CNTNAP2: variants seen among roughly 807,000 people sequenced by gnomAD.
CNTNAP2 encodes the protein contactin-associated protein-like 2.
Under a neutral mutation model 155.2 loss-of-function variants are expected in CNTNAP2, and 98 were observed. The observed-to-expected ratio is 0.63, with a 90% CI of 0.54 to 0.75. The LOEUF is 0.75. Among genes scored for constraint, CNTNAP2 ranks in the 30% least tolerant of loss-of-function variants. The pLI is 0.00. For missense variants in CNTNAP2, 1,727 were observed against 1,688.1 expected, an observed-to-expected ratio of 1.02 and a Z score of -0.40; for synonymous variants, 651 against 631.2, an observed-to-expected ratio of 1.03 and a Z score of -0.47.
At chr7:146,791,421 A>G (rs1408738897) in intron 2 of CNTNAP2, among the ~76,000 whole-genome samples, 2 of 152,176 alleles carry the variant, frequency 1.3e-5, no homozygotes, top group African/African-American at 4.8e-5. Flanking sequence ...GTGTCTTTAT[A>G]GTAGAATGAT....
At chr7:147,437,874 T>C (rs1194670011) in intron 10 of CNTNAP2, among the ~76,000 whole-genome samples, 1 of 152,090 alleles carries the variant, frequency 6.6e-6, no homozygotes, top group African/African-American at 2.4e-5. Flanking sequence ...TCTTTCGTGT[T>C]TTATACTTTT....
intron 3 of CNTNAP2, among the ~76,000 whole-genome samples, chr7:146,944,125 AT>A (rs1181210104): frequency 6.6e-6 from 1 of 151,900 alleles, no homozygotes. Flanking sequence ...GTAGTAAATT[AT>A]GAAATAGACG....
At chr7:147,659,890 A>G (rs942371238) in intron 13 of CNTNAP2, among the ~76,000 whole-genome samples, 3 of 152,214 alleles carry the variant, frequency 2.0e-5, no homozygotes, top group East Asian at 1.9e-4. Context: ...TGAGGTGGAA[A>G]ACAAAATAAC....
At chr7:147,848,999 C>G (rs1447894484) in intron 13 of CNTNAP2, among the ~76,000 whole-genome samples, 1 of 151,990 alleles carries the variant, frequency 6.6e-6, no homozygotes, top group Non-Finnish European at 1.5e-5. Flanking sequence ...CAGGCTCCAG[C>G]TACGTACTCT....
chr7:146,915,245 TA>T (rs1796370528), intron 3 of CNTNAP2, among the ~76,000 whole-genome samples: 2 of 152,126 alleles, frequency 1.3e-5, no homozygotes, highest in Admixed American at 1.3e-4. Flanking sequence ...TAGGGTAATG[TA>T]ATGCCTCTAG....
intron 8 of CNTNAP2, among the ~76,000 whole-genome samples, chr7:147,238,153 T>C (rs1803856227): frequency 1.3e-5 from 2 of 152,190 alleles, no homozygotes; most frequent in Non-Finnish European, 2.9e-5. Context: ...TAGCTGGGAC[T>C]ACAGGCGCCC....
At chr7:146,312,686 T>C (rs1800845234) in intron 1 of CNTNAP2, among the ~76,000 whole-genome samples, 1 of 152,162 alleles carries the variant, frequency 6.6e-6, no homozygotes, top group Admixed American at 6.6e-5. Context: ...GTCTAACTAA[T>C]TCTTTGTACC....
chr7:148,331,811 T>C (rs1798031823), intron 21 of CNTNAP2, among the ~76,000 whole-genome samples: 1 of 151,982 alleles, frequency 6.6e-6, no homozygotes, highest in East Asian at 1.9e-4. Context: ...AATGGCCTCC[T>C]CTTTGTCTAA....
intron 2 of CNTNAP2, among the ~76,000 whole-genome samples, chr7:146,807,854 C>A (rs1288855640): frequency 1.3e-5 from 2 of 152,090 alleles, no homozygotes; most frequent in Non-Finnish European, 2.9e-5. Context: ...AGAGTAATGG[C>A]TGTCTGCCCA....
At chr7:147,361,340 A>C (rs1418824735) in intron 9 of CNTNAP2, among the ~76,000 whole-genome samples, 1 of 152,198 alleles carries the variant, frequency 6.6e-6, no homozygotes, top group African/African-American at 2.4e-5. Context: ...CTAATAATAT[A>C]ATGTTAGGTT....
chr7:147,268,684 G>GATAGCATTAGGGATGTCAGAAGGA (rs1804671738), intron 8 of CNTNAP2, among the ~76,000 whole-genome samples: 1 of 152,060 alleles, frequency 6.6e-6, no homozygotes, highest in Non-Finnish European at 1.5e-5. Flanking sequence ...AAATAATGGA[G>GATAGCATTAGGGATGTCAGAAGGA]ATAGCATTAG....
intron 1 of CNTNAP2, among the ~76,000 whole-genome samples, chr7:146,554,144 A>G (rs1027926865): frequency 2.0e-5 from 3 of 152,182 alleles, no homozygotes; most frequent in Non-Finnish European, 4.4e-5. Flanking sequence ...GTATCTACAA[A>G]CAACTGGAGC....
intron 1 of CNTNAP2, among the ~76,000 whole-genome samples, chr7:146,730,110 A>G (rs1801498207): frequency 1.3e-5 from 2 of 152,146 alleles, no homozygotes; most frequent in South Asian, 4.1e-4. Flanking sequence ...ATGATGTATA[A>G]TTTGATTGTT....
intron 13 of CNTNAP2, among the ~76,000 whole-genome samples, chr7:147,655,393 G>A (rs1288159612): frequency 6.6e-6 from 1 of 152,188 alleles, no homozygotes; most frequent in Non-Finnish European, 1.5e-5. Context: ...AAAGTGCTGG[G>A]ATTACAGGCG....
chr7:146,595,715 C>G (rs1798849414), intron 1 of CNTNAP2, among the ~76,000 whole-genome samples: 1 of 152,050 alleles, frequency 6.6e-6, no homozygotes, highest in Admixed American at 6.6e-5. Context: ...CTTACTAAAT[C>G]TAGTCTCCCT....
chr7:146,739,815 G>A (rs1435160758), intron 1 of CNTNAP2, among the ~76,000 whole-genome samples: 1 of 151,808 alleles, frequency 6.6e-6, no homozygotes, highest in Non-Finnish European at 1.5e-5. Context: ...GTATATTTAG[G>A]TGCTCCAGTT....
intron 15 of CNTNAP2, among the ~76,000 whole-genome samples, chr7:147,993,167 C>T (rs750402101): frequency 3.1e-4 from 47 of 152,296 alleles, no homozygotes; most frequent in African/African-American, 3.8e-4. Context: ...TCCAAAGATA[C>T]TGAGTTTGCT....
chr7:148,414,092 G>C (rs1309223527), intron 23 of CNTNAP2, among the ~76,000 whole-genome samples: 1 of 81,694 alleles, frequency 1.2e-5, no homozygotes, highest in Non-Finnish European at 2.0e-5. Context: ...TTTTTTTTTA[G>C]ACAGAGTCCC....
At chr7:146,773,266 T>C (rs1409465522) in intron 1 of CNTNAP2, among the ~76,000 whole-genome samples, 1 of 152,192 alleles carries the variant, frequency 6.6e-6, no homozygotes, top group Admixed American at 6.5e-5. Context: ...GTGTTACAAA[T>C]AGAATTGAGG....
Sources: gnomAD v4.1 joint callset for allele counts (sites outside exome capture counted in the v4.1 genomes callset) on GRCh38, gnomAD v4.1.1 for gene constraint, MANE v1.5 for transcripts, NCBI Gene and HGNC (gene_info 2026-07-23, HGNC 2026-07-21) for gene names.